The following BCCIP variants were observed in gnomAD, a reference collection of about 807,000 sequenced individuals.
The protein encoded by BCCIP is BRCA2 and CDKN1A-interacting protein.
Under a neutral mutation model 32.8 loss-of-function variants are expected in BCCIP, and 23 were observed. That is an observed-to-expected ratio of 0.70 (90% confidence interval 0.51 to 0.99). The LOEUF (loss-of-function observed/expected upper bound fraction) is 0.99. BCCIP is among the 50% of genes least tolerant of loss of function. The pLI, the probability that BCCIP is intolerant of heterozygous loss-of-function variation, is 0.00. For synonymous variants in BCCIP, 144 were observed against 137.6 expected, an observed-to-expected ratio of 1.05 and a Z score of -0.33; for missense variants, 378 against 379.8, an observed-to-expected ratio of 1.00 and a Z score of 0.04.
chr10:125,848,723 C>T (rs1298253007), intron 7 of BCCIP, among the ~76,000 whole-genome samples: 1 of 152,190 alleles, frequency 6.6e-6, no homozygotes, highest in Non-Finnish European at 1.5e-5. Context: ...CTAGGACCCT[C>T]TGCAGCTCAG....
In BCCIP at chr10:125,830,818, T is replaced by G. The variant is rs116342748; in HGVS notation, c.411+167T>G. Among the ~76,000 whole-genome samples the G allele has an allele frequency of 0.011, 1,653 of 152,306 alleles. 22 individuals carry two copies. Among genetic ancestry groups the G allele is most frequent in the Admixed American group, 0.032 (484 of 15,292 alleles). ...CTTTTTCAATATGAAGGTGGTGGTG[T>G]TGGGTCTGTACCCAGTTAAAGTTGT... On this transcript the variant is annotated intron_variant, in intron 4 of 6. Transcript: ENST00000278100.
At chr10:125,825,074 G>C (rs1367530693) in intron 1 of BCCIP, among the ~76,000 whole-genome samples, 1 of 152,224 alleles carries the variant, frequency 6.6e-6, no homozygotes, top group Non-Finnish European at 1.5e-5. Flanking sequence ...TTAGAACTTT[G>C]ACTGGCTCTT....
chr10:125,839,221 A>G, downstream of BCCIP: 1 of 1,602,866 alleles, frequency 6.2e-7, no homozygotes, highest in East Asian at 2.2e-5. Flanking sequence ...CTATTTAGAA[A>G]TGATTTGTCA....
downstream of BCCIP, among the ~76,000 whole-genome samples, chr10:125,843,273 A>G (rs765462587): frequency 1.4e-4 from 22 of 152,266 alleles, no homozygotes; most frequent in Non-Finnish European, 2.5e-4. Flanking sequence ...TCAAAGTAAC[A>G]TATGGTAAAA....
chr10:125,827,967 GAAAAAAAAAAA>G (rs11296499), intron 3 of BCCIP, among the ~76,000 whole-genome samples: 4 of 62,306 alleles, frequency 6.4e-5, no homozygotes, highest in African/African-American at 1.2e-4. Flanking sequence ...CCCTATATCT[GAAAAAAAAAAA>G]AAAAAAAAAA....
At chr10:125,837,804 A>G (rs1854742918), downstream of BCCIP, among the ~76,000 whole-genome samples, 1 of 152,198 alleles carries the variant, frequency 6.6e-6, no homozygotes, top group African/African-American at 2.4e-5. Context: ...TATGTGGCCC[A>G]TAAAGCCTTA....
intron 6 of BCCIP, among the ~76,000 whole-genome samples, chr10:125,835,047 G>A (rs2134015201): frequency 6.7e-6 from 1 of 149,760 alleles, no homozygotes; most frequent in Admixed American, 6.6e-5. Context: ...GCAGGAGAAT[G>A]GCATAAACCC....
chr10:125,831,744 A>G (rs11596442), intron 5 of BCCIP, 137 bp downstream of exon 5: 234,595 of 715,348 alleles, frequency 0.33, 43,395 homozygotes, highest in Non-Finnish European at 0.39. Context: ...AGGGGAGTGG[A>G]AGAAACATCC....
rs11244670 is a variant in BCCIP at position 125,847,978 on chromosome 10, C to T, written c.851-5147C>T. Among the ~76,000 whole-genome samples, 1,297 of 152,288 alleles carry T rather than the reference C, an allele frequency of 8.5e-3. 5 individuals are homozygous for T. Among genetic ancestry groups the T allele is most frequent in the Non-Finnish European group, 0.013 (861 of 68,020 alleles). ...GTCCGGCCCAGTTCCTAACAGGCCA[C>T]GAACTGGTACCCATCACTGCCTAGG... On this transcript the variant is annotated intron_variant, in intron 7 of 7. Coordinates refer to the BCCIP transcript ENST00000368759.
chr10:125,841,316 C>A, downstream of BCCIP: 1 of 1,613,926 alleles, frequency 6.2e-7, no homozygotes, highest in Non-Finnish European at 8.5e-7. Context: ...GAACCAGTTC[C>A]GATACAGCAC....
Position 125,826,642 on chromosome 10 carries a change from G to T in BCCIP, c.217G>T (p.Gly73Ter). 6.2e-7 allele frequency: 1 copy of T among 1,613,082 alleles called. No individual in the cohort carries two copies. Among genetic ancestry groups the T allele is most frequent in the Non-Finnish European group, 8.5e-7 (1 of 1,179,524 alleles). Reference protein sequence around the residue: ...AYSLSDNDYDGIKKLLQQLFL... With the variant: ...AYSLSDNDYD ...TTCCCTATCAGATAATGATTATGAC[G>T]GAATTAAGAAATTACTGCAGCAGGT... Residue 73 changes from glycine (G) to a stop codon, truncating the protein, a stop_gained, in exon 2 of 7, where the codon GGA (glycine) becomes TGA (stop). Coordinates refer to ENST00000278100, the MANE Select transcript of BCCIP (RefSeq NM_078468.3). LOFTEE classifies it high-confidence loss of function.
At chr10:125,840,352 A>G (rs543331878), downstream of BCCIP, among the ~76,000 whole-genome samples, 15 of 152,206 alleles carry the variant, frequency 9.9e-5, no homozygotes, top group Middle Eastern at 3.4e-3. Context: ...GCTCTCCTCT[A>G]TCAAGCTCCG....
chr10:125,839,245 G>A, downstream of BCCIP: 1 of 1,559,878 alleles, frequency 6.4e-7, no homozygotes, highest in Non-Finnish European at 8.7e-7. Flanking sequence ...GCTCTGAAGA[G>A]CCCAGGCCAG....
intron 2 of BCCIP, among the ~76,000 whole-genome samples, chr10:125,827,064 T>G (rs1377127277): frequency 6.6e-6 from 1 of 151,058 alleles, no homozygotes; most frequent in Non-Finnish European, 1.5e-5. Flanking sequence ...AATTTCCATT[T>G]CTATCCTCTC....
In BCCIP at chr10:125,852,416, A is replaced by T. The variant is rs1254728355; in HGVS notation, c.851-709A>T. 12 of 1,614,048 alleles carry T rather than the reference A, an allele frequency of 7.4e-6. 1 individual carries two copies. In the Admixed American group the frequency reaches 1.7e-4, roughly 22 times the overall value. ...GGCTTCAGTGGCGTCATGTCTTTGG[A>T]GGCAAATTCTTCAGTGTACAGGCAG... On this transcript the variant is annotated intron_variant, in intron 7 of 7. Transcript: ENST00000368759.
intron 6 of BCCIP, 61 bp from the exon 7 acceptor site, chr10:125,836,043 C>A: frequency 7.0e-7 from 1 of 1,429,874 alleles, no homozygotes; most frequent in Non-Finnish European, 9.7e-7. Flanking sequence ...TGCCGTAGAT[C>A]AAATGGGTTT....
downstream of BCCIP, chr10:125,840,860 A>T: frequency 1.3e-6 from 2 of 1,594,110 alleles, no homozygotes; most frequent in Admixed American, 1.7e-5. Flanking sequence ...CACTGCTAGA[A>T]TTCAGAGTTG....
chr10:125,827,659 T>C, intron 3 of BCCIP, 21 bp downstream of exon 3: 1 of 1,532,612 alleles, frequency 6.5e-7, no homozygotes, highest in Non-Finnish European at 9.0e-7. Flanking sequence ...TAATTGTGTT[T>C]ATTCTGATTA....
At chr10:125,839,147 A>G, downstream of BCCIP, 1 of 1,614,244 alleles carries the variant, frequency 6.2e-7, no homozygotes, top group Non-Finnish European at 8.5e-7. Context: ...CTGAGTGCTG[A>G]ACAGTTGAGG....
Sources: allele counts gnomAD v4.1 joint callset (sites outside exome capture counted in the v4.1 genomes callset), GRCh38; gene constraint gnomAD v4.1.1; transcripts MANE v1.5; gene names NCBI Gene and HGNC (gene_info 2026-07-23, HGNC 2026-07-21).